Variants in RGS6 observed in about 807,000 individuals in gnomAD.
RGS6 encodes regulator of G protein signaling 6.
A neutral mutation model predicts 78.5 loss-of-function variants in RGS6; 30 were observed. That is an observed-to-expected ratio of 0.38 (90% CI 0.29 to 0.52). RGS6 has a LOEUF of 0.52. Among genes scored for constraint, RGS6 ranks in the 20% least tolerant of loss-of-function variants. The pLI is 0.85. For missense variants in RGS6, 495 were observed against 609.7 expected, an observed-to-expected ratio of 0.81 and a Z score of 1.98; for synonymous variants, 206 against 206.0, an observed-to-expected ratio of 1.00 and a Z score of 0.00.
intron 2 of RGS6, among the ~76,000 whole-genome samples, chr14:72,284,046 A>G (rs1169617473): frequency 6.6e-6 from 1 of 152,202 alleles, no homozygotes; most frequent in Non-Finnish European, 1.5e-5. Context: ...GGAACTTTGA[A>G]CTTGAGGGAG....
At chr14:72,400,949 A>G (rs916966178) in intron 3 of RGS6, among the ~76,000 whole-genome samples, 1 of 150,824 alleles carries the variant, frequency 6.6e-6, no homozygotes, top group African/African-American at 2.5e-5. Flanking sequence ...GCCTTTCTCC[A>G]CTGCTTCTCT....
intron 2 of RGS6, among the ~76,000 whole-genome samples, chr14:72,086,347 ACAC>A (rs2095040024): frequency 6.6e-6 from 1 of 152,268 alleles, no homozygotes; most frequent in South Asian, 2.1e-4. Context: ...TGAATTTATG[ACAC>A]CCTGGTTGTT....
At chr14:72,566,789 G>C (rs2097713338), downstream of RGS6, among the ~76,000 whole-genome samples, 1 of 152,070 alleles carries the variant, frequency 6.6e-6, no homozygotes, top group Admixed American at 6.5e-5. Context: ...TCACCATAAG[G>C]CTGAAGTCCC....
At chr14:72,543,422 T>C (rs2153516058) in intron 17 of RGS6, among the ~76,000 whole-genome samples, 1 of 152,348 alleles carries the variant, frequency 6.6e-6, no homozygotes, top group East Asian at 1.9e-4. Flanking sequence ...CCTCAGGTCA[T>C]GTGATTTGGA....
At chr14:72,269,670 T>C (rs1258524434) in intron 2 of RGS6, among the ~76,000 whole-genome samples, 2 of 147,636 alleles carry the variant, frequency 1.4e-5, no homozygotes. Flanking sequence ...GCTCAAGGGA[T>C]TCTCCTGCCT....
At chr14:72,488,010 C>G (rs1170393631) in intron 12 of RGS6, among the ~76,000 whole-genome samples, 5 of 152,180 alleles carry the variant, frequency 3.3e-5, no homozygotes, top group Admixed American at 3.3e-4. Context: ...TCTGATGATT[C>G]AATACTTCCT....
chr14:72,377,034 G>A (rs143790907), intron 3 of RGS6, among the ~76,000 whole-genome samples: 1 of 152,036 alleles, frequency 6.6e-6, no homozygotes, highest in Admixed American at 6.6e-5. Flanking sequence ...GAAATCGATA[G>A]GATGATAAAA....
intron 2 of RGS6, among the ~76,000 whole-genome samples, chr14:72,206,712 G>T: frequency 6.6e-6 from 1 of 152,158 alleles, no homozygotes; most frequent in East Asian, 1.9e-4. Flanking sequence ...AGACTCATTC[G>T]CTATCATGAG....
At chr14:72,025,113 G>A (rs1359556772) in intron 2 of RGS6, among the ~76,000 whole-genome samples, 1 of 152,144 alleles carries the variant, frequency 6.6e-6, no homozygotes, top group Non-Finnish European at 1.5e-5. Context: ...GTTTGAGAGA[G>A]CGAATGAGTT....
At chr14:72,239,595 A>G (rs897230169) in intron 2 of RGS6, among the ~76,000 whole-genome samples, 3 of 151,982 alleles carry the variant, frequency 2.0e-5, no homozygotes, top group Non-Finnish European at 4.4e-5. Flanking sequence ...CACAGTGAGC[A>G]CCTCTCTTGA....
At chr14:72,070,258 G>A (rs552349275) in intron 2 of RGS6, among the ~76,000 whole-genome samples, 1 of 151,994 alleles carries the variant, frequency 6.6e-6, no homozygotes, top group Non-Finnish European at 1.5e-5. Context: ...GATTCTTCCA[G>A]GTCTGAGTTA....
chr14:72,052,988 TCTCTC>T (rs1567106251), intron 2 of RGS6, among the ~76,000 whole-genome samples: 1,825 of 65,188 alleles, frequency 0.028, 44 homozygotes, highest in Admixed American at 0.033. Flanking sequence ...TTTCTTTCTC[TCTCTC>T]TCTCTCTCTC....
At chr14:72,213,680 G>C (rs966092713) in intron 2 of RGS6, among the ~76,000 whole-genome samples, 7 of 152,210 alleles carry the variant, frequency 4.6e-5, no homozygotes, top group Admixed American at 2.6e-4. Flanking sequence ...TCCCACGTGT[G>C]CATCCCCCAT....
In RGS6 at chr14:72,565,876, A is replaced by G. The variant is rs2097707832; in HGVS notation, c.*3409A>G. On this transcript the variant is annotated 3_prime_UTR_variant, in exon 18 of 18. Transcript: ENST00000553525. ...CAGGAAAGCCTTCCCAGAAGAGGGAAAGGATTAAGGGCTCTCTTCCTTTGG... is the reference window on the plus strand; with the variant it reads ...CAGGAAAGCCTTCCCAGAAGAGGGAGAGGATTAAGGGCTCTCTTCCTTTGG... 1.3e-5 allele frequency: 2 copies of G among 152,178 alleles called. No homozygotes were observed. The highest frequency in any genetic ancestry group is 4.8e-5 in the African/African-American group (2 of 41,436). 9.4% of individuals were successfully genotyped at this position (152,178 alleles called of 1,614,324 possible).
chr14:72,023,061 C>T (rs1027248985), intron 2 of RGS6, among the ~76,000 whole-genome samples: 8 of 152,230 alleles, frequency 5.3e-5, no homozygotes, highest in Admixed American at 2.0e-4. Context: ...CTGCCTGTTT[C>T]ATGTCATTCC....
chr14:72,550,493 C>CTTAA, intron 17 of RGS6: 6 of 1,535,694 alleles, frequency 3.9e-6, no homozygotes, highest in Non-Finnish European at 5.2e-6. Flanking sequence ...AAAGCCTGGC[C>CTTAA]TTAACATCAT....
chr14:71,999,851 G>A (rs1006713741), intron 2 of RGS6, among the ~76,000 whole-genome samples: 5 of 125,024 alleles, frequency 4.0e-5, no homozygotes, highest in African/African-American at 1.5e-4. Context: ...TGCAGTGCAT[G>A]AGCCAATTAA....
Position 72,563,944 on chromosome 14 carries a change from A to C in RGS6, c.*1477A>C, listed in dbSNP as rs1373730593. 2.0e-4 allele frequency: 30 copies of C among 152,194 alleles called. No individual in the cohort carries two copies. The highest frequency in any genetic ancestry group is 2.0e-3 in the Admixed American group (30 of 15,282). The allele number at this position is 152,194 out of a possible 1,614,324, so 9.4% of individuals were successfully genotyped here. ...GGAGCATATAAACAAAAAACATAGAAGCAATAAAGCGATCGCTGGTATTTC... is the reference window on the plus strand; with the variant it reads ...GGAGCATATAAACAAAAAACATAGACGCAATAAAGCGATCGCTGGTATTTC... On this transcript the variant is annotated 3_prime_UTR_variant, in exon 18 of 18. Coordinates refer to ENST00000553525, the MANE Select transcript of RGS6 (RefSeq NM_001204424.2).
At chr14:72,434,425 G>C (rs1057331091) in intron 3 of RGS6, among the ~76,000 whole-genome samples, 1 of 152,184 alleles carries the variant, frequency 6.6e-6, no homozygotes, top group Non-Finnish European at 1.5e-5. Flanking sequence ...GAGCACCCAG[G>C]TCTGATGTAG....
Sources: allele counts gnomAD v4.1 joint callset (sites outside exome capture counted in the v4.1 genomes callset), GRCh38; gene constraint gnomAD v4.1.1; transcripts MANE v1.5; gene names NCBI Gene and HGNC (gene_info 2026-07-23, HGNC 2026-07-21).